ARHGAP31: variants seen among roughly 807,000 people sequenced by gnomAD.
ARHGAP31 encodes the protein rho GTPase-activating protein 31.
ARHGAP31 carries 34 observed loss-of-function variants against 113.9 expected under a neutral mutation model. That is an observed-to-expected ratio of 0.30 (90% CI 0.23 to 0.40). The LOEUF (loss-of-function observed/expected upper bound fraction) is 0.40. Ranked by LOEUF, ARHGAP31 falls within the 10% of genes least tolerant of loss-of-function variation. The probability of loss-of-function intolerance (pLI) is 1.00; values close to 1 mark genes in which losing one functional copy is unlikely to be tolerated. For synonymous variants in ARHGAP31, 650 were observed against 684.8 expected, an observed-to-expected ratio of 0.95 and a Z score of 0.79; for missense variants, 1,548 against 1,767.1, an observed-to-expected ratio of 0.88 and a Z score of 2.22.
chr3:119,365,182 G>T, intron 1 of ARHGAP31, 134 bp from the exon 2 acceptor site: 3 of 703,214 alleles, frequency 4.3e-6, no homozygotes, highest in South Asian at 1.7e-5. Flanking sequence ...ACAAGAAATT[G>T]TTTCCACTTG....
At position 119,401,972 on chromosome 3, in the gene ARHGAP31, C is replaced by A. The variant is rs2080613095; in HGVS notation, c.1220C>A (p.Ala407Asp). The A allele has an allele frequency of 3.1e-6, 5 of 1,614,028 alleles. No individual in the cohort carries two copies. The highest frequency in any genetic ancestry group is 3.3e-4 in the Middle Eastern group (2 of 6,084). ...GGCCAGGAGGGGATGCCTCCCGGGG[C>A]TGAGGGTGGCTTTGATGTGAGCAGT... is the stretch of plus-strand genomic sequence containing the variant. ...EWGQEGMPPG[A>D]EGGFDVSSDR... Residue 407 changes from alanine (A) to aspartate (D), a missense_variant, in exon 10 of 12, where the codon GCT (alanine) becomes GAT (aspartate). Coordinates refer to ENST00000264245, the MANE Select transcript of ARHGAP31 (RefSeq NM_020754.4).
At chr3:119,334,723 T>C (rs2079927619) in intron 1 of ARHGAP31, among the ~76,000 whole-genome samples, 1 of 152,222 alleles carries the variant, frequency 6.6e-6, no homozygotes, top group South Asian at 2.1e-4. Flanking sequence ...TATTGGAGGC[T>C]GACTCTGCAC....
In ARHGAP31 at chr3:119,384,272, C is replaced by T. The variant is rs113298269; in HGVS notation, c.682+1046C>T. On this transcript the variant is annotated intron_variant, in intron 6 of 11. Coordinates refer to ENST00000264245, the MANE Select transcript of ARHGAP31 (RefSeq NM_020754.4). ...ACCATTTAAAAAATTATTTTATCTA[C>T]ATAACGTACAATTCATCATTTTAAC... Among the ~76,000 whole-genome samples the T allele has an allele frequency of 5.3e-3, 806 of 152,310 alleles. 8 individuals are homozygous for T. Among genetic ancestry groups the T allele is most frequent in the African/African-American group, 0.018 (768 of 41,570 alleles).
At chr3:119,381,072 ATG>A in intron 4 of ARHGAP31, 86 bp downstream of exon 4, 1 of 1,318,892 alleles carries the variant, frequency 7.6e-7, no homozygotes, top group Non-Finnish European at 1.1e-6. Flanking sequence ...AAAGGAAACA[ATG>A]TGTGGACAGT....
chr3:119,350,765 C>T (rs2080104150), intron 1 of ARHGAP31, among the ~76,000 whole-genome samples: 2 of 152,106 alleles, frequency 1.3e-5, no homozygotes, highest in Admixed American at 6.5e-5. Context: ...CAGAAATTTC[C>T]GTTTATATGG....
At chr3:119,377,321 A>G (rs529212630) in intron 3 of ARHGAP31, among the ~76,000 whole-genome samples, 2 of 152,170 alleles carry the variant, frequency 1.3e-5, no homozygotes, top group South Asian at 4.2e-4. Flanking sequence ...ATGAAGAAAA[A>G]TAATGCAGGG....
In ARHGAP31 at chr3:119,415,157, G is replaced by A. The variant is rs779883724; in HGVS notation, c.3228G>A (p.Gln1076=). The A allele has an allele frequency of 6.2e-7, 1 of 1,614,206 alleles. No homozygotes were observed. The highest frequency in any genetic ancestry group is 1.7e-5 in the Admixed American group (1 of 60,030). ...ESSKESSPSV[Q]DSTSPGEHPA... ...GCAAGGAGAGTTCACCCAGCGTGCA[G>A]GACAGCACTTCGCCTGGAGAGCACC... Residue 1076 remains glutamine (Q), a synonymous_variant, in exon 12 of 12, where the codon CAG becomes CAA. Coordinates refer to ENST00000264245, the MANE Select transcript of ARHGAP31 (RefSeq NM_020754.4).
Position 119,403,843 on chromosome 3 carries a change from T to C in ARHGAP31, c.1645+1446T>C, listed in dbSNP as rs1021318770. 3.7e-4 allele frequency among the ~76,000 whole-genome samples: 57 copies of C among 152,222 alleles called. 1 individual carries two copies. Among genetic ancestry groups the C allele is most frequent in the African/African-American group, 1.3e-3 (54 of 41,468 alleles). On this transcript the variant is annotated intron_variant, in intron 10 of 11. Transcript: ENST00000264245. ...GGGCTGATTCGGATGCTAGCTTTAC[T>C]GCTTTTTGTCAGTTTGGCAGTGGGA...
chr3:119,354,412 A>G (rs1220384955), intron 1 of ARHGAP31, among the ~76,000 whole-genome samples: 1 of 152,170 alleles, frequency 6.6e-6, no homozygotes, highest in Non-Finnish European at 1.5e-5. Flanking sequence ...GAGAAAAGCA[A>G]AAATCATTGA....
intron 2 of ARHGAP31, among the ~76,000 whole-genome samples, chr3:119,365,812 G>C (rs116681424): frequency 0.012 from 1,823 of 152,300 alleles, 42 homozygotes; most frequent in African/African-American, 0.042. Context: ...ATCCATGTCA[G>C]TTTTTCTGCT....
rs573817793 is a variant in ARHGAP31, at chr3:119,390,643, G to A, written c.683-142G>A. 265 of 906,400 alleles carry A rather than the reference G, an allele frequency of 2.9e-4. 2 individuals carry two copies. The African/African-American group carries it at 3.9e-3, about 13-fold the overall frequency. 56.1% of individuals were successfully genotyped at this position (906,400 alleles called of 1,614,324 possible). A position where few individuals can be genotyped will look rare whatever the true frequency, so the allele number is the denominator to read the frequency against. On this transcript the variant is annotated intron_variant, in intron 6 of 11. Coordinates refer to ENST00000264245, the MANE Select transcript of ARHGAP31 (RefSeq NM_020754.4). ...TTTCCGGTGTGCAGCCTCAGCCCCA[G>A]GCCCCACCATGCCCAAGAGAAGCCA...
intron 1 of ARHGAP31, among the ~76,000 whole-genome samples, chr3:119,340,974 C>G (rs1193050689): frequency 6.6e-6 from 1 of 152,150 alleles, no homozygotes; most frequent in Non-Finnish European, 1.5e-5. Flanking sequence ...TGAGCAAATG[C>G]CTGCATGAGC....
At chr3:119,377,529 A>T (rs1424763946) in intron 3 of ARHGAP31, among the ~76,000 whole-genome samples, 10 of 152,184 alleles carry the variant, frequency 6.6e-5, no homozygotes, top group African/African-American at 2.4e-4. Flanking sequence ...CTTAGGGGAC[A>T]TGTGGAGGCC....
Position 119,415,265 on chromosome 3 carries a change from C to A in ARHGAP31, c.3336C>A (p.Ala1112=). ...CTTCTTCCCTCAACTTGGACCCTGC[C>A]ATTCCCATTGCTGACCTCTTCTGGT... The part of the protein sequence containing the change: ...NRPSSLNLDP[A]IPIADLFWFE... Residue 1112 remains alanine (A), a synonymous_variant, in exon 12 of 12, where the codon GCC becomes GCA. Coordinates refer to ENST00000264245, the MANE Select transcript of ARHGAP31 (RefSeq NM_020754.4). 6.2e-7 allele frequency: 1 copy of A among 1,614,232 alleles called. No homozygotes were observed. The highest frequency in any genetic ancestry group is 1.1e-5 in the South Asian group (1 of 91,084).
chr3:119,323,749 T>A (rs2079815691), intron 1 of ARHGAP31, among the ~76,000 whole-genome samples: 1 of 152,166 alleles, frequency 6.6e-6, no homozygotes, highest in Non-Finnish European at 1.5e-5. Flanking sequence ...CTCGGAGCCT[T>A]AGGTTCTCTG....
chr3:119,335,717 G>C (rs1035493778), intron 1 of ARHGAP31, among the ~76,000 whole-genome samples: 1 of 152,218 alleles, frequency 6.6e-6, no homozygotes, highest in East Asian at 1.9e-4. Context: ...CTTGGGGGCA[G>C]TGTCTCCACA....
chr3:119,419,592 C>A lies in ARHGAP31; in HGVS notation c.*3328C>A, dbSNP rs1426894675. On this transcript the variant is annotated 3_prime_UTR_variant, in exon 12 of 12. Transcript: ENST00000264245. ...GGGAGGGATGGCAGCAAATAAAACA[C>A]CCCCATAAACAACCAGGAGCAAGGT... The A allele has an allele frequency of 1.3e-5, 2 of 152,096 alleles. No individual in the cohort carries two copies. Among genetic ancestry groups the A allele is most frequent in the Non-Finnish European group, 2.9e-5 (2 of 68,026 alleles). 9.4% of individuals were successfully genotyped at this position (152,096 alleles called of 1,614,324 possible).
chr3:119,350,348 C>T (rs114041641), intron 1 of ARHGAP31, among the ~76,000 whole-genome samples: 255 of 152,278 alleles, frequency 1.7e-3, no homozygotes, highest in Non-Finnish European at 3.0e-3. Context: ...GGCTGGGGCA[C>T]AGCGAGGAAC....
chr3:119,318,412 CAGAG>C (rs1307733864), intron 1 of ARHGAP31, among the ~76,000 whole-genome samples: 21 of 152,186 alleles, frequency 1.4e-4, no homozygotes, highest in Non-Finnish European at 1.2e-4. Flanking sequence ...GCATTATTGA[CAGAG>C]AGGTTGTGCT....
Sources: gnomAD v4.1 joint callset for allele counts (sites outside exome capture counted in the v4.1 genomes callset) on GRCh38, gnomAD v4.1.1 for gene constraint, MANE v1.5 for transcripts, NCBI Gene and HGNC (gene_info 2026-07-23, HGNC 2026-07-21) for gene names.